Variants in PCNT observed in about 807,000 individuals in gnomAD.
PCNT encodes the protein pericentrin.
PCNT carries 319 observed loss-of-function variants against 380.4 expected under a neutral mutation model. That is an observed-to-expected ratio of 0.84 (90% confidence interval 0.77 to 0.92). PCNT has a LOEUF of 0.92. Ranked by LOEUF, PCNT falls within the 40% of genes least tolerant of loss-of-function variation. The pLI is 0.00. For missense variants in PCNT, 4,400 were observed against 4,255.3 expected, an observed-to-expected ratio of 1.03 and a Z score of -0.95; for synonymous variants, 1,845 against 1,735.2, an observed-to-expected ratio of 1.06 and a Z score of -1.57.
chr21:46,435,224 T>G (rs8126917), intron 38 of PCNT, among the ~76,000 whole-genome samples: 17,952 of 151,972 alleles, frequency 0.12, 1,180 homozygotes, highest in East Asian at 0.2. Flanking sequence ...GTTTTTTTTG[T>G]TTTGGTTTGG....
In PCNT at chr21:46,421,327, T is replaced by G. The variant is rs544245317; in HGVS notation, c.7025-643T>G. Among the ~76,000 whole-genome samples, 14 of 152,282 alleles carry G rather than the reference T, an allele frequency of 9.2e-5. No individual in the cohort carries two copies. The East Asian group carries it at 1.2e-3, about 13-fold the overall frequency. On this transcript the variant is annotated intron_variant, in intron 31 of 46. Transcript: ENST00000359568. ...CTCCTGTTTTGAAGTCTAACACCCT[T>G]TTTCCAGGGCGCCTCCTCCTCGTCT... is the stretch of plus-strand genomic sequence containing the variant.
At chr21:46,364,164 T>C (rs1418668527) in intron 14 of PCNT, among the ~76,000 whole-genome samples, 1 of 150,686 alleles carries the variant, frequency 6.6e-6, no homozygotes, top group African/African-American at 2.5e-5. Flanking sequence ...CTGGCCGCAG[T>C]GGGACAGCTT....
At chr21:46,340,994 A>G (rs1279539400) in intron 3 of PCNT, among the ~76,000 whole-genome samples, 1 of 151,734 alleles carries the variant, frequency 6.6e-6, no homozygotes, top group Non-Finnish European at 1.5e-5. Flanking sequence ...AGAGATTCTC[A>G]TGCCTCAGCC....
intron 46 of PCNT, among the ~76,000 whole-genome samples, 153 bp downstream of exon 46, chr21:46,444,974 A>G (rs1303030011): frequency 6.6e-6 from 1 of 152,252 alleles, no homozygotes; most frequent in Non-Finnish European, 1.5e-5. Flanking sequence ...TAGAGGCTAC[A>G]AGTGAAGAAT....
In PCNT at chr21:46,388,620, C is replaced by T. The variant is rs555235149; in HGVS notation, c.3465-122C>T. ...GCATGAGGATCATGTCTTCCGGCCC[C>T]GTGGGGACAGGCAGCCGTGGGCCGA... is the stretch of plus-strand genomic sequence containing the variant. On this transcript the variant is annotated intron_variant, in intron 17 of 46. Transcript: ENST00000359568. This position sits in a 1 kb window ranked among gnomAD's most constrained non-coding sequence, Gnocchi z 4.2. 9.8e-5 allele frequency: 124 copies of T among 1,259,078 alleles called. No individual in the cohort carries two copies. The African/African-American group carries it at 1.4e-3, about 15-fold the overall frequency. 78.0% of individuals were successfully genotyped at this position (1,259,078 alleles called of 1,614,324 possible). A position where few individuals can be genotyped will look rare whatever the true frequency, so the allele number is the denominator to read the frequency against.
At position 46,442,581 on chromosome 21, in the gene PCNT, T is replaced by G. The variant is rs549545568; in HGVS notation, c.9700+8T>G. The G allele has an allele frequency of 1.9e-6, 3 of 1,564,428 alleles. No individual in the cohort carries two copies. The highest frequency in any genetic ancestry group is 2.7e-5 in the African/African-American group (2 of 74,012). On this transcript the variant is annotated splice_region_variant and intron_variant, in intron 44 of 46. Transcript: ENST00000359568. ...GCAAAGCCCCTCGCCCAGGTGGGACTCCAGCTGCTGTTGACCGCTGGACTC... is the reference window on the plus strand; with the variant it reads ...GCAAAGCCCCTCGCCCAGGTGGGACGCCAGCTGCTGTTGACCGCTGGACTC...
chr21:46,337,528 A>G (rs1367610603), intron 3 of PCNT, among the ~76,000 whole-genome samples: 5 of 152,142 alleles, frequency 3.3e-5, no homozygotes, highest in Admixed American at 2.0e-4. Context: ...GTCACTGGCT[A>G]CTTCCTATCC....
At chr21:46,409,287 C>G (rs923411846) in intron 27 of PCNT, among the ~76,000 whole-genome samples, 1 of 149,922 alleles carries the variant, frequency 6.7e-6, no homozygotes, top group Admixed American at 6.7e-5. Context: ...CTCCCAGGCT[C>G]AAGCAGTCCT....
At position 46,397,404 on chromosome 21, in the gene PCNT, G is replaced by A. The variant is rs776946965; in HGVS notation, c.4356G>A (p.Gly1452=). Residue 1452 remains glycine (G), a synonymous_variant, in exon 22 of 47, where the codon GGG becomes GGA. Coordinates refer to ENST00000359568, the MANE Select transcript of PCNT (RefSeq NM_006031.6). Reference sequence around the variant, plus strand: ...AAGAACAGCTGTCTCAGCATCGCGGGTGTGCCAAGCAGGCGGAGGCCGTCA... The same window carrying A: ...AAGAACAGCTGTCTCAGCATCGCGGATGTGCCAAGCAGGCGGAGGCCGTCA... ...ELEEQLSQHR[G]CAKQAEAVTA... The A allele has an allele frequency of 6.2e-7, 1 of 1,614,200 alleles. No homozygotes were observed. The highest frequency in any genetic ancestry group is 8.5e-7 in the Non-Finnish European group (1 of 1,180,032).
chr21:46,413,368 A>C (rs1273200725), intron 29 of PCNT, among the ~76,000 whole-genome samples: 1 of 134,720 alleles, frequency 7.4e-6, no homozygotes, highest in Non-Finnish European at 1.6e-5. Flanking sequence ...GGAGGGGGGA[A>C]GGCGTGAGGC....
intron 13 of PCNT, among the ~76,000 whole-genome samples, chr21:46,359,298 A>C (rs1223834138): frequency 6.9e-6 from 1 of 144,256 alleles, no homozygotes; most frequent in Non-Finnish European, 1.5e-5. Context: ...TTCACAGGCC[A>C]CCATTTTACC....
intron 15 of PCNT, among the ~76,000 whole-genome samples, chr21:46,368,400 A>G (rs930017753): frequency 3.3e-5 from 5 of 152,002 alleles, no homozygotes; most frequent in Non-Finnish European, 7.4e-5. Context: ...GTGATCCGAG[A>G]TCGCACCAGT....
intron 5 of PCNT, 38 bp from the exon 6 acceptor site, chr21:46,347,419 G>C (rs370589322): frequency 1.9e-6 from 3 of 1,611,304 alleles, no homozygotes; most frequent in East Asian, 4.5e-5. Flanking sequence ...AAAAGGTTGA[G>C]ATGGAGTGGC....
intron 42 of PCNT, 85 bp from the exon 43 acceptor site, chr21:46,440,770 G>GA: frequency 1.2e-6 from 1 of 856,560 alleles, no homozygotes; most frequent in East Asian, 2.4e-5. Context: ...TGACTCTTTG[G>GA]AAAGAGCAAT....
intron 13 of PCNT, among the ~76,000 whole-genome samples, chr21:46,363,013 G>A (rs1271378338): frequency 6.6e-6 from 1 of 152,182 alleles, no homozygotes; most frequent in Non-Finnish European, 1.5e-5. Flanking sequence ...TACAGATCGG[G>A]AGCATCGCAC....
chr21:46,380,407 G>A (rs935282034), intron 15 of PCNT, among the ~76,000 whole-genome samples: 22 of 151,876 alleles, frequency 1.4e-4, no homozygotes, highest in Non-Finnish European at 2.1e-4. Context: ...TGATCTGCCC[G>A]CCTTGACTTC....
chr21:46,409,046 A>G (rs2086702054), intron 27 of PCNT, among the ~76,000 whole-genome samples: 2 of 151,738 alleles, frequency 1.3e-5, no homozygotes, highest in African/African-American at 4.8e-5. Flanking sequence ...AAAAAGTTGG[A>G]TTGTTCGGTT....
chr21:46,407,571 C>T (rs982693013), intron 27 of PCNT, among the ~76,000 whole-genome samples: 5 of 152,100 alleles, frequency 3.3e-5, no homozygotes, highest in Non-Finnish European at 5.9e-5. Flanking sequence ...TCTCGATCTC[C>T]TGACCTCGTG....
intron 2 of PCNT, among the ~76,000 whole-genome samples, 175 bp from the exon 3 acceptor site, chr21:46,334,222 T>C: frequency 6.8e-6 from 1 of 146,252 alleles, no homozygotes. Context: ...AAAAAAAAAA[T>C]GTTTAGAGCT....
Sources: gnomAD v4.1 joint callset for allele counts (sites outside exome capture counted in the v4.1 genomes callset) on GRCh38, gnomAD v4.1.1 for gene constraint, Gnocchi (gnomAD v3.1) non-coding constraint, MANE v1.5 for transcripts, NCBI Gene and HGNC (gene_info 2026-07-23, HGNC 2026-07-21) for gene names.